Variants in PCDHGB5 observed in about 807,000 individuals in gnomAD.
PCDHGB5 encodes protocadherin gamma-B5.
In PCDHGB5, 48 loss-of-function variants were observed where a neutral mutation model predicts 62.9. The ratio of observed to expected loss-of-function variants is 0.76; its 90% CI spans 0.61 to 0.97. The LOEUF (loss-of-function observed/expected upper bound fraction) is 0.97, where lower values mean the gene tolerates loss of function less well. Among genes scored for constraint, PCDHGB5 ranks in the 50% least tolerant of loss-of-function variants. The pLI is 0.00. For missense variants in PCDHGB5, 1,118 were observed against 1,198.6 expected (o/e 0.93, Z 0.99); for synonymous variants, 474 against 511.2 (o/e 0.93, Z 0.98).
At chr5:141,433,085 G>A in intron 1 of PCDHGB5, 1 of 1,614,170 alleles carries the variant, frequency 6.2e-7, no homozygotes, top group Non-Finnish European at 8.5e-7. Flanking sequence ...GCCCAACTAT[G>A]CAGACATGCT....
At chr5:141,419,371 C>T (rs751971270) in intron 1 of PCDHGB5, 4 of 1,613,662 alleles carry the variant, frequency 2.5e-6, no homozygotes, top group Non-Finnish European at 8.5e-7. Flanking sequence ...TGTCGTCCTA[C>T]GTGTCCGTGA....
intron 1 of PCDHGB5, among the ~76,000 whole-genome samples, chr5:141,439,398 T>C (rs2098110369): frequency 6.6e-6 from 1 of 152,212 alleles, no homozygotes; most frequent in Admixed American, 6.5e-5. Context: ...TTCGACTTCA[T>C]GTGCTAACAT....
In PCDHGB5 at chr5:141,398,042, T is replaced by C; in HGVS notation, c.-86T>C. 6.7e-7 allele frequency: 1 copy of C among 1,495,000 alleles called. No individual in the cohort carries two copies. Among genetic ancestry groups the C allele is most frequent in the East Asian group, 2.4e-5 (1 of 41,710 alleles). The allele number at this position is 1,495,000 out of a possible 1,614,324, so 92.6% of individuals were successfully genotyped here. On this transcript the variant is annotated 5_prime_UTR_variant, in exon 1 of 4. Transcript: ENST00000617380. ...AAACTGGAACTGGAACTAAAGCCCGTTCGGAGATCCAAAAATCTACAATAC... is the reference window on the plus strand; with the variant it reads ...AAACTGGAACTGGAACTAAAGCCCGCTCGGAGATCCAAAAATCTACAATAC...
intron 1 of PCDHGB5, among the ~76,000 whole-genome samples, chr5:141,443,720 T>G (rs1349609652): frequency 2.6e-5 from 4 of 152,156 alleles, no homozygotes; most frequent in Non-Finnish European, 5.9e-5. Flanking sequence ...CATATAAAAT[T>G]CCTCATACAT....
rs758782567 is a variant in PCDHGB5, at chr5:141,486,792, G to A, written c.2398-8015G>A. ...CAGTTTGAGGTGCAGGCCCGGGATCGGGGCAACCCACCCCTTAGCAGCACT... is the reference window on the plus strand; with the variant it reads ...CAGTTTGAGGTGCAGGCCCGGGATCAGGGCAACCCACCCCTTAGCAGCACT... On this transcript the variant is annotated intron_variant, in intron 1 of 3. Coordinates refer to ENST00000617380, the MANE Select transcript of PCDHGB5 (RefSeq NM_018925.3). This position sits in a 1 kb window ranked among gnomAD's most constrained non-coding sequence, Gnocchi z 5.0. The A allele has an allele frequency of 3.7e-5, 59 of 1,614,094 alleles. No homozygotes were observed. The Middle Eastern group carries it at 4.9e-4, about 13-fold the overall frequency.
chr5:141,415,423 G>T (rs2154545734), intron 1 of PCDHGB5: 1 of 1,614,204 alleles, frequency 6.2e-7, no homozygotes, highest in Non-Finnish European at 8.5e-7. Context: ...CGTGGACGGG[G>T]TTCGGGCTTT....
chr5:141,431,700 TC>T lies in PCDHGB5; in HGVS notation c.2397+31177del. On this transcript the variant is annotated intron_variant, in intron 1 of 3. Coordinates refer to ENST00000617380, the MANE Select transcript of PCDHGB5 (RefSeq NM_018925.3). The surrounding 1 kb of genome is among the most constrained non-coding windows in gnomAD (Gnocchi z 4.8). ...GAGTTGGACCACGAGGAGTCAGGAT[TC>T]TACCAGATGGAAGTGCAAGCAATGG... 6.2e-7 allele frequency: 1 copy of T among 1,614,218 alleles called. No individual in the cohort carries two copies.
chr5:141,408,540 C>A (rs201370009), intron 1 of PCDHGB5: 1 of 1,614,046 alleles, frequency 6.2e-7, no homozygotes. Flanking sequence ...GTGGAAAATC[C>A]TTTAAATATT....
intron 2 of PCDHGB5, among the ~76,000 whole-genome samples, chr5:141,502,719 C>G (rs1242423173): frequency 1.3e-5 from 2 of 152,190 alleles, no homozygotes; most frequent in Non-Finnish European, 2.9e-5. Flanking sequence ...TCAGTGATTA[C>G]AAAGCGGTGA....
At chr5:141,406,331 C>A (rs577134835) in intron 1 of PCDHGB5, among the ~76,000 whole-genome samples, 22 of 152,002 alleles carry the variant, frequency 1.4e-4, no homozygotes, top group Non-Finnish European at 2.8e-4. Context: ...CTTACTCCTA[C>A]GATCATTTAT....
intron 1 of PCDHGB5, among the ~76,000 whole-genome samples, chr5:141,456,499 A>C (rs1283501704): frequency 6.6e-6 from 1 of 152,210 alleles, no homozygotes; most frequent in Non-Finnish European, 1.5e-5. Flanking sequence ...AAAGGGGTTA[A>C]CCAATTCCAT....
chr5:141,503,910 G>A (rs1311674998), intron 2 of PCDHGB5, among the ~76,000 whole-genome samples: 1 of 152,062 alleles, frequency 6.6e-6, no homozygotes, highest in Admixed American at 6.6e-5. Flanking sequence ...CACACACAAC[G>A]CAACACACAC....
chr5:141,414,148 G>A, intron 1 of PCDHGB5: 1 of 1,598,900 alleles, frequency 6.3e-7, no homozygotes, highest in Non-Finnish European at 8.5e-7. Flanking sequence ...AGAAATACAA[G>A]CAGAAGATGG....
At chr5:141,414,336 C>T (rs567878158) in intron 1 of PCDHGB5, 3 of 1,613,846 alleles carry the variant, frequency 1.9e-6, no homozygotes, top group East Asian at 2.2e-5. Flanking sequence ...GACAGGTAAC[C>T]TGTTCCATTT....
rs543038539 is a variant in PCDHGB5 at position 141,415,850 on chromosome 5, C to A, written c.2397+15326C>A. 7.3e-6 allele frequency: 9 copies of A among 1,230,004 alleles called. No homozygotes were observed. In the East Asian group the frequency reaches 2.6e-4, roughly 35 times the overall value. The allele number at this position is 1,230,004 out of a possible 1,614,324, so 76.2% of individuals were successfully genotyped here. ...TTTGTTATGATTAGCTTTGCAGAAC[C>A]TTGTAGTTTATAGTGTTGTTGAGTA... On this transcript the variant is annotated intron_variant, in intron 1 of 3. Coordinates refer to ENST00000617380, the MANE Select transcript of PCDHGB5 (RefSeq NM_018925.3).
chr5:141,477,087 C>A lies in PCDHGB5; in HGVS notation c.2398-17720C>A, dbSNP rs748424193. 14 of 1,614,244 alleles carry A rather than the reference C, an allele frequency of 8.7e-6. No individual in the cohort carries two copies. Among genetic ancestry groups the A allele is most frequent in the Non-Finnish European group, 8.5e-7 (1 of 1,180,048 alleles). On this transcript the variant is annotated intron_variant, in intron 1 of 3. Transcript: ENST00000617380. This position sits in a 1 kb window ranked among gnomAD's most constrained non-coding sequence, Gnocchi z 4.9. ...AAACTCCATGAGATTTACATCCAGG[C>A]CAAAGACAAGGGCGCCAATCCCGAA...
intron 1 of PCDHGB5, among the ~76,000 whole-genome samples, chr5:141,460,478 A>G (rs989135238): frequency 6.6e-5 from 10 of 152,136 alleles, no homozygotes; most frequent in African/African-American, 2.4e-4. Context: ...GGAATATCCA[A>G]TTGTCTCTTT....
At chr5:141,408,588 A>G in intron 1 of PCDHGB5, 1 of 1,614,042 alleles carries the variant, frequency 6.2e-7, no homozygotes, top group Non-Finnish European at 8.5e-7. Context: ...GTTAATGACC[A>G]CGCCCCTCAA....
intron 1 of PCDHGB5, among the ~76,000 whole-genome samples, chr5:141,472,192 C>A (rs2099274015): frequency 1.3e-5 from 2 of 152,134 alleles, no homozygotes; most frequent in South Asian, 2.1e-4. Context: ...GAATTTGAAT[C>A]TTTTTGACAC....
Sources: gnomAD v4.1 joint callset for allele counts (sites outside exome capture counted in the v4.1 genomes callset) on GRCh38, gnomAD v4.1.1 for gene constraint, Gnocchi (gnomAD v3.1) non-coding constraint, MANE v1.5 for transcripts, NCBI Gene and HGNC (gene_info 2026-07-23, HGNC 2026-07-21) for gene names.